Variants in CTDP1 observed in about 807,000 individuals in gnomAD.
The protein encoded by CTDP1 is CTD phosphatase 1.
Under a neutral mutation model 91.8 loss-of-function variants are expected in CTDP1, and 47 were observed. The ratio of observed to expected loss-of-function variants is 0.51; its 90% CI spans 0.41 to 0.65. CTDP1 has a LOEUF of 0.65. Ranked by LOEUF, CTDP1 falls within the 30% of genes least tolerant of loss-of-function variation. CTDP1 has a pLI of 0.00. For missense variants in CTDP1, 1,272 were observed against 1,373.7 expected, an observed-to-expected ratio of 0.93 and a Z score of 1.17; for synonymous variants, 656 against 598.5, an observed-to-expected ratio of 1.10 and a Z score of -1.40.
intron 12 of CTDP1, among the ~76,000 whole-genome samples, chr18:79,752,284 G>A (rs1032913132): frequency 1.4e-5 from 2 of 141,848 alleles, no homozygotes; most frequent in African/African-American, 5.2e-5. Flanking sequence ...TAGTGGCACC[G>A]GCTGGTTATG....
rs576708374 is a variant in CTDP1 at position 79,747,762 on chromosome 18, G to A, written c.2748-5890G>A. Among the ~76,000 whole-genome samples, 3 of 152,324 alleles carry A rather than the reference G, an allele frequency of 2.0e-5. No individual in the cohort carries two copies. In the East Asian group the frequency reaches 5.8e-4, roughly 29 times the overall value. On this transcript the variant is annotated intron_variant, in intron 12 of 12. Transcript: ENST00000613122. ...TTTTTTAGTGACGTGGCGGCCTCAC[G>A]GTGAGCAGCACTGGTCTTCCCTTTT...
intron 12 of CTDP1, among the ~76,000 whole-genome samples, chr18:79,752,081 A>G (rs1368902533): frequency 1.3e-5 from 2 of 152,242 alleles, no homozygotes; most frequent in Non-Finnish European, 2.9e-5. Flanking sequence ...CTGGCAGGAC[A>G]TCAGGTGGTT....
In CTDP1 at chr18:79,737,420, G is replaced by A. The variant is rs138830526; in HGVS notation, c.2747+899G>A. ...TTTGTAAATTAAGATTTATTTTTTA[G>A]TAAGGGGGGGATTTAGCTTTTTTCC... On this transcript the variant is annotated intron_variant, in intron 12 of 12. Transcript: ENST00000613122. 2.7e-3 allele frequency among the ~76,000 whole-genome samples: 414 copies of A among 152,228 alleles called. 4 individuals are homozygous for A. Among genetic ancestry groups the A allele is most frequent in the African/African-American group, 9.3e-3 (386 of 41,518 alleles).
intron 1 of CTDP1, among the ~76,000 whole-genome samples, chr18:79,688,208 G>A (rs1472020887): frequency 6.6e-6 from 1 of 152,234 alleles, no homozygotes; most frequent in African/African-American, 2.4e-5. Context: ...CCAGCCTGGG[G>A]CTCCCACCCC....
intron 10 of CTDP1, among the ~76,000 whole-genome samples, chr18:79,728,071 C>G (rs1350314586): frequency 6.6e-6 from 1 of 152,088 alleles, no homozygotes; most frequent in Non-Finnish European, 1.5e-5. Context: ...TTTAACTATA[C>G]AAGCACAAGA....
At chr18:79,702,714 A>G (rs945268106) in intron 4 of CTDP1, 1 of 152,228 alleles carries the variant, frequency 6.6e-6, no homozygotes, top group African/African-American at 2.4e-5. Context: ...AGTTAGGTAC[A>G]TTGTTCTTTT....
chr18:79,707,263 A>C (rs1260001144), intron 5 of CTDP1, among the ~76,000 whole-genome samples: 1 of 152,218 alleles, frequency 6.6e-6, no homozygotes, highest in Non-Finnish European at 1.5e-5. Flanking sequence ...CACGTTCATG[A>C]GGCCTCGTGT....
intron 4 of CTDP1, chr18:79,702,999 C>G (rs1056813853): frequency 1.2e-4 from 18 of 152,268 alleles, no homozygotes; most frequent in African/African-American, 4.3e-4. Flanking sequence ...CAGAGGAGAC[C>G]CTGAGGCTGG....
chr18:79,732,784 C>T (rs1241174422), intron 11 of CTDP1, among the ~76,000 whole-genome samples: 6 of 149,632 alleles, frequency 4.0e-5, no homozygotes, highest in East Asian at 2.0e-4. Flanking sequence ...TCATGTGAGA[C>T]GTAAGAACTC....
intron 6 of CTDP1, among the ~76,000 whole-genome samples, 188 bp from the exon 7 acceptor site, chr18:79,712,784 C>T (rs1235659758): frequency 1.3e-5 from 2 of 152,168 alleles, no homozygotes; most frequent in East Asian, 3.9e-4. Flanking sequence ...GGAAACAGCA[C>T]TGAAGATGTT....
chr18:79,748,313 C>CT (rs1341107334), intron 12 of CTDP1, among the ~76,000 whole-genome samples: 1 of 152,228 alleles, frequency 6.6e-6, no homozygotes, highest in Non-Finnish European at 1.5e-5. Flanking sequence ...GAGGCGCTCC[C>CT]TGTACTTCAT....
At chr18:79,736,178 G>T in intron 11 of CTDP1, 177 bp from the exon 12 acceptor site, 2 of 761,448 alleles carry the variant, frequency 2.6e-6, no homozygotes, top group Non-Finnish European at 4.4e-6. Flanking sequence ...TCTTTTGCCC[G>T]GGGCTTTGTT....
upstream of CTDP1, chr18:79,678,600 C>T (rs911927694): frequency 4.4e-4 from 67 of 152,162 alleles, no homozygotes; most frequent in African/African-American, 1.5e-3. Context: ...CCGACAGTTT[C>T]CAAAATGTTA....
chr18:79,698,189 G>A (rs1009032929), intron 4 of CTDP1, among the ~76,000 whole-genome samples: 1 of 152,246 alleles, frequency 6.6e-6, no homozygotes, highest in Admixed American at 6.5e-5. Flanking sequence ...CAGACATCCC[G>A]ACGCCCACTG....
chr18:79,715,515 C>T lies in CTDP1; in HGVS notation c.2055C>T (p.Ile685=), dbSNP rs1357182128. The T allele has an allele frequency of 5.1e-6, 8 of 1,555,254 alleles. No homozygotes were observed. Among genetic ancestry groups the T allele is most frequent in the South Asian group, 2.4e-5 (2 of 84,870 alleles). The change falls in exon 8 of 13, where the codon ATC becomes ATT. Residue 685 remains isoleucine (I), a synonymous_variant. Transcript: ENST00000613122. ...PDAPDRATHL[I]AARAGTEKVL... is the part of the protein sequence containing the mutation. The stretch of plus-strand genomic sequence containing the variant: ...CCCCTGACAGGGCCACGCACCTGAT[C>T]GCCGCGCGAGCTGGTGAGTGCTGCC...
chr18:79,679,159 C>T (rs1223213507), upstream of CTDP1: 3 of 311,198 alleles, frequency 9.6e-6, no homozygotes, highest in African/African-American at 7.0e-5. Context: ...TTCCGGGCGC[C>T]TTGCCCCAGA....
intron 4 of CTDP1, among the ~76,000 whole-genome samples, chr18:79,704,551 G>C (rs2085926018): frequency 6.6e-6 from 1 of 152,230 alleles, no homozygotes; most frequent in African/African-American, 2.4e-5. Context: ...TGTATCCTCT[G>C]TCCCATGTGG....
rs559972752 is a variant in CTDP1 at position 79,683,815 on chromosome 18, G to C, written c.314+3554G>C. Reference sequence around the variant, plus strand: ...TGTTGTTGAGGACATTGCTGACGAGGTGTGGGATTTACGGGGAGGACAGCC... The same window carrying C: ...TGTTGTTGAGGACATTGCTGACGAGCTGTGGGATTTACGGGGAGGACAGCC... On this transcript the variant is annotated intron_variant, in intron 1 of 12. Transcript: ENST00000613122. Among the ~76,000 whole-genome samples, 5 of 152,292 alleles carry C rather than the reference G, an allele frequency of 3.3e-5. No homozygotes were observed. In the South Asian group the frequency reaches 6.2e-4, roughly 19 times the overall value.
At chr18:79,691,358 G>T (rs1362631190) in intron 1 of CTDP1, among the ~76,000 whole-genome samples, 1 of 152,214 alleles carries the variant, frequency 6.6e-6, no homozygotes, top group Non-Finnish European at 1.5e-5. Flanking sequence ...AAGGCAGGTG[G>T]CACCTGGGCT....
Sources: gnomAD v4.1 joint callset for allele counts (sites outside exome capture counted in the v4.1 genomes callset) on GRCh38, gnomAD v4.1.1 for gene constraint, MANE v1.5 for transcripts, NCBI Gene and HGNC (gene_info 2026-07-23, HGNC 2026-07-21) for gene names.